Variants in PTPRU observed in about 807,000 individuals in gnomAD.
PTPRU encodes receptor-type tyrosine-protein phosphatase U.
In PTPRU, 69 loss-of-function variants were observed where a neutral mutation model predicts 166.3. That is an observed-to-expected ratio of 0.41 (90% CI 0.34 to 0.51). PTPRU has a LOEUF of 0.51. Ranked by LOEUF, PTPRU falls within the 20% of genes least tolerant of loss-of-function variation. The pLI is 0.09. For synonymous variants in PTPRU, 793 were observed against 814.0 expected (o/e 0.97, Z 0.44); for missense variants, 1,657 against 2,013.7 (o/e 0.82, Z 3.39).
At chr1:29,267,856 C>G (rs543353151) in intron 7 of PTPRU, among the ~76,000 whole-genome samples, 2 of 152,292 alleles carry the variant, frequency 1.3e-5, no homozygotes, top group African/African-American at 2.4e-5. Context: ...GAGGAGGCTA[C>G]TGCAATGATC....
intron 1 of PTPRU, 95 bp from the exon 2 acceptor site, chr1:29,255,180 G>A (rs1684719777): frequency 7.0e-7 from 1 of 1,425,300 alleles, no homozygotes; most frequent in Non-Finnish European, 9.5e-7. Context: ...AGGGCAGGTG[G>A]GCCTGGGTAG....
Position 29,317,296 on chromosome 1 carries a change from C to A in PTPRU, c.3514-452C>A, listed in dbSNP as rs771183194. 1.1e-4 allele frequency among the ~76,000 whole-genome samples: 16 copies of A among 152,134 alleles called. No individual in the cohort carries two copies. Among genetic ancestry groups the A allele is most frequent in the Non-Finnish European group, 2.2e-4 (15 of 68,026 alleles). ...AGGAACGTGACCCCCTCTCCACGTG[C>A]CTGGAGTCCGCTTCTTGGAGGGTGT... is the stretch of plus-strand genomic sequence containing the variant. On this transcript the variant is annotated intron_variant, in intron 24 of 29. Transcript: ENST00000373779. This position sits in a 1 kb window ranked among gnomAD's most constrained non-coding sequence, Gnocchi z 5.6.
Position 29,260,112 on chromosome 1 carries a change from GGCTCTGCCC to G in PTPRU, c.850+70_850+78del. 7.5e-7 allele frequency: 1 copy of G among 1,333,760 alleles called. No homozygotes were observed. Among genetic ancestry groups the G allele is most frequent in the Non-Finnish European group, 9.6e-7 (1 of 1,043,906 alleles). 82.6% of individuals were successfully genotyped at this position (1,333,760 alleles called of 1,614,324 possible). ...AGGGGCGGGGCCGGCGACGGGGGCG[GGCTCTGCCC>G]GGGGGCGTGGCCGTGGGGGGTGGGG... On this transcript the variant is annotated intron_variant, in intron 6 of 29. Transcript: ENST00000373779. This position sits in a 1 kb window ranked among gnomAD's most constrained non-coding sequence, Gnocchi z 8.3.
At position 29,280,019 on chromosome 1, in the gene PTPRU, G is replaced by A; in HGVS notation, c.1766-20G>A. 6.2e-7 allele frequency: 1 copy of A among 1,602,360 alleles called. No individual in the cohort carries two copies. Among genetic ancestry groups the A allele is most frequent in the African/African-American group, 1.3e-5 (1 of 74,744 alleles). Reference sequence around the variant, plus strand: ...GTCCAGTGGCCAAGCTCCAGCTTGTGACCCTGTCCCCTTCTCCAGCTCCCA... The same window carrying A: ...GTCCAGTGGCCAAGCTCCAGCTTGTAACCCTGTCCCCTTCTCCAGCTCCCA... On this transcript the variant is annotated intron_variant, in intron 10 of 29. Coordinates refer to ENST00000373779, the MANE Select transcript of PTPRU (RefSeq NM_133178.4). This position sits in a 1 kb window ranked among gnomAD's most constrained non-coding sequence, Gnocchi z 4.2.
At chr1:29,286,745 C>G (rs1686367255) in intron 14 of PTPRU, among the ~76,000 whole-genome samples, 1 of 152,038 alleles carries the variant, frequency 6.6e-6, no homozygotes, top group African/African-American at 2.4e-5. Flanking sequence ...AAAGAGAGCA[C>G]TGGGCCCAGG....
At chr1:29,265,894 C>G (rs1482831430) in intron 7 of PTPRU, among the ~76,000 whole-genome samples, 1 of 150,888 alleles carries the variant, frequency 6.6e-6, no homozygotes, top group East Asian at 2.0e-4. Context: ...TTTCACAGAA[C>G]TATTTTCAAT....
intron 7 of PTPRU, among the ~76,000 whole-genome samples, chr1:29,268,163 T>C (rs558287159): frequency 7.1e-4 from 108 of 152,236 alleles, no homozygotes; most frequent in Non-Finnish European, 1.3e-3. Flanking sequence ...CTATTAGACA[T>C]TCAAGTGGAG....
At chr1:29,265,010 T>C (rs1685237082) in intron 7 of PTPRU, among the ~76,000 whole-genome samples, 1 of 152,260 alleles carries the variant, frequency 6.6e-6, no homozygotes, top group Non-Finnish European at 1.5e-5. Context: ...ACCTGTTGAA[T>C]GACATCTGGG....
In PTPRU at chr1:29,286,316, G is replaced by A. The variant is rs1686347078; in HGVS notation, c.2318+1447G>A. Among the ~76,000 whole-genome samples the A allele has an allele frequency of 1.3e-5, 2 of 152,316 alleles. 1 individual carries two copies. Among genetic ancestry groups the A allele is most frequent in the South Asian group, 4.1e-4 (2 of 4,822 alleles). On this transcript the variant is annotated intron_variant, in intron 14 of 29. Transcript: ENST00000373779. ...GGAGCTTCACACACATCATCCATGA[G>A]TACATTAGTTATTGGACATCTACTG... is the stretch of plus-strand genomic sequence containing the variant.
chr1:29,290,657 A>G (rs1686587395), intron 14 of PTPRU, among the ~76,000 whole-genome samples: 1 of 152,170 alleles, frequency 6.6e-6, no homozygotes, highest in South Asian at 2.1e-4. Flanking sequence ...CAACAACTCA[A>G]CACCCAGCGA....
chr1:29,282,838 C>A lies in PTPRU; in HGVS notation c.2031C>A (p.Ala677=), dbSNP rs1364723313. ...AELAASSLPE[A]MPFTVGDNQT... is the part of the protein sequence containing the mutation. Reference sequence around the variant, plus strand: ...TGGCGGCCAGCAGTCTACCTGAGGCCATGCCCTTTACCGTGGGTGACAACC... The same window carrying A: ...TGGCGGCCAGCAGTCTACCTGAGGCAATGCCCTTTACCGTGGGTGACAACC... The change falls in exon 12 of 30, where the codon GCC becomes GCA. Residue 677 remains alanine (A), a synonymous_variant. Coordinates refer to ENST00000373779, the MANE Select transcript of PTPRU (RefSeq NM_133178.4). 6.2e-7 allele frequency: 1 copy of A among 1,614,052 alleles called. No homozygotes were observed. Among genetic ancestry groups the A allele is most frequent in the African/African-American group, 1.3e-5 (1 of 74,916 alleles).
chr1:29,242,252 T>C (rs115755398), intron 1 of PTPRU, among the ~76,000 whole-genome samples: 4,323 of 152,230 alleles, frequency 0.028, 189 homozygotes, highest in African/African-American at 0.099. Flanking sequence ...GTGGTGTCCA[T>C]GTATCCAGGA....
Position 29,315,362 on chromosome 1 carries a change from C to A in PTPRU, c.3228-10C>A. 6.2e-7 allele frequency: 1 copy of A among 1,614,068 alleles called. No individual in the cohort carries two copies. Among genetic ancestry groups the A allele is most frequent in the East Asian group, 2.2e-5 (1 of 44,890 alleles). On this transcript the variant is annotated splice_polypyrimidine_tract_variant and intron_variant, in intron 22 of 29. Coordinates refer to ENST00000373779, the MANE Select transcript of PTPRU (RefSeq NM_133178.4). The surrounding 1 kb of genome is among the most constrained non-coding windows in gnomAD (Gnocchi z 4.5). The stretch of plus-strand genomic sequence containing the variant: ...AGCTCTGACCTGGTCTGGGGCTGCT[C>A]TCTCTCCAGCGCGGGCACCGGCCGC...
At chr1:29,255,567 ACTGT>A (rs1182011529) in intron 2 of PTPRU, among the ~76,000 whole-genome samples, 161 bp downstream of exon 2, 1 of 152,144 alleles carries the variant, frequency 6.6e-6, no homozygotes, top group East Asian at 1.9e-4. Flanking sequence ...TTCTCTGGAC[ACTGT>A]CTAATTGTGC....
Position 29,279,038 on chromosome 1 carries a change from C to A in PTPRU, c.1480C>A (p.Leu494Met). Residue 494 changes from leucine (L) to methionine (M), a missense_variant, in exon 9 of 30, where the codon CTG (leucine) becomes ATG (methionine). Physicochemically the swap from Leu to Met is conservative, Grantham distance 15. Coordinates refer to ENST00000373779, the MANE Select transcript of PTPRU (RefSeq NM_133178.4). The surrounding 1 kb of genome is among the most constrained non-coding windows in gnomAD (Gnocchi z 5.2). ...DVPSGIAAES[L>M]TFTPLEDMIF... ...GCCCAGTGGGATTGCAGCCGAGTCC[C>A]TGACCTTCACTCCACTGGAGGACAT... 1.3e-6 allele frequency: 2 copies of A among 1,591,160 alleles called. No homozygotes were observed. The highest frequency in any genetic ancestry group is 2.3e-5 in the East Asian group (1 of 43,710).
chr1:29,244,657 C>T (rs1294705895), intron 1 of PTPRU, among the ~76,000 whole-genome samples: 1 of 152,100 alleles, frequency 6.6e-6, no homozygotes, highest in Non-Finnish European at 1.5e-5. Context: ...GGGTTCTAAT[C>T]CTAAGCCCAC....
intron 29 of PTPRU, 36 bp downstream of exon 29, chr1:29,325,362 C>G (rs753724052): frequency 1.2e-6 from 2 of 1,609,820 alleles, no homozygotes; most frequent in Non-Finnish European, 1.7e-6. Flanking sequence ...CCACTTCCAC[C>G]TTCCTGGTCC....
At chr1:29,300,979 T>C (rs1034460786) in intron 15 of PTPRU, among the ~76,000 whole-genome samples, 18 of 152,048 alleles carry the variant, frequency 1.2e-4, no homozygotes, top group Non-Finnish European at 1.5e-5. Flanking sequence ...AGGATGAGTA[T>C]GAGTTCATCA....
chr1:29,308,376 G>A (rs1277114428), intron 18 of PTPRU, among the ~76,000 whole-genome samples: 1 of 150,658 alleles, frequency 6.6e-6, no homozygotes, highest in Admixed American at 6.6e-5. Context: ...CGAGATCAGC[G>A]TGGGCAACAT....
Sources: allele counts gnomAD v4.1 joint callset (sites outside exome capture counted in the v4.1 genomes callset), GRCh38; gene constraint gnomAD v4.1.1; non-coding constraint Gnocchi (gnomAD v3.1); transcripts MANE v1.5; gene names NCBI Gene and HGNC (gene_info 2026-07-23, HGNC 2026-07-21).